The following ERC2 variants were observed in gnomAD, a reference collection of about 807,000 sequenced individuals.
ERC2 encodes ERC protein 2.
A neutral mutation model predicts 114.8 loss-of-function variants in ERC2; 42 were observed. The ratio of observed to expected loss-of-function variants is 0.37; its 90% CI spans 0.29 to 0.47. ERC2 has a LOEUF of 0.47. Among genes scored for constraint, ERC2 ranks in the 20% least tolerant of loss-of-function variants. The probability of loss-of-function intolerance (pLI) is 0.99; values close to 1 mark genes in which losing one functional copy is unlikely to be tolerated. For synonymous variants in ERC2, 454 were observed against 425.5 expected, an observed-to-expected ratio of 1.07 and a Z score of -0.82; for missense variants, 939 against 1,150.7, an observed-to-expected ratio of 0.82 and a Z score of 2.66.
chr3:55,748,485 C>G (rs773927727), intron 14 of ERC2, among the ~76,000 whole-genome samples: 1 of 152,196 alleles, frequency 6.6e-6, no homozygotes, highest in Non-Finnish European at 1.5e-5. Context: ...GCTACCACAG[C>G]AGAACCCAGA....
chr3:56,135,204 C>T (rs1226053643), intron 6 of ERC2, among the ~76,000 whole-genome samples: 6 of 152,200 alleles, frequency 3.9e-5, no homozygotes, highest in Middle Eastern at 3.4e-3. Context: ...CCCCCTGCCT[C>T]GGCCTCTCAA....
At chr3:55,776,767 C>A (rs924957716) in intron 14 of ERC2, among the ~76,000 whole-genome samples, 5 of 152,184 alleles carry the variant, frequency 3.3e-5, no homozygotes, top group African/African-American at 1.2e-4. Context: ...TCCCAAAGGG[C>A]TGCTGTGAGA....
chr3:55,982,726 G>A (rs577597366), intron 12 of ERC2, among the ~76,000 whole-genome samples: 1 of 152,310 alleles, frequency 6.6e-6, no homozygotes, highest in East Asian at 1.9e-4. Flanking sequence ...TATTTGTGGA[G>A]GGAATGGGGC....
intron 3 of ERC2, among the ~76,000 whole-genome samples, chr3:56,178,526 G>C (rs1188659121): frequency 6.6e-6 from 1 of 152,136 alleles, no homozygotes; most frequent in Non-Finnish European, 1.5e-5. Context: ...CTAAAGGAAG[G>C]AGTGCCAAAG....
intron 6 of ERC2, among the ~76,000 whole-genome samples, chr3:56,095,119 G>A (rs1448468195): frequency 6.6e-6 from 1 of 152,126 alleles, no homozygotes; most frequent in Non-Finnish European, 1.5e-5. Flanking sequence ...TTTGGGCATG[G>A]TGGTGCAGCC....
At chr3:55,552,372 T>C (rs73077468) in intron 17 of ERC2, among the ~76,000 whole-genome samples, 30,696 of 152,178 alleles carry the variant, frequency 0.2, 3,615 homozygotes, top group Middle Eastern at 0.31. Flanking sequence ...TGCACCCGCC[T>C]GCTCCCCATC....
rs773849533 is a variant in ERC2 at position 55,748,693 on chromosome 3, T to G, written c.2565-13775A>C. On this transcript the variant is annotated intron_variant, in intron 14 of 17. Coordinates refer to ENST00000288221, the MANE Select transcript of ERC2 (RefSeq NM_015576.3). ...ATTTCCCTCTGCATGTATCAAATAC[T>G]AGGATAATCAATTCAAAAGCTCCCT... Among the ~76,000 whole-genome samples, 105 of 152,192 alleles carry G rather than the reference T, an allele frequency of 6.9e-4. 1 individual carries two copies. The highest frequency in any genetic ancestry group is 1.5e-4 in the Non-Finnish European group (10 of 68,042).
intron 14 of ERC2, among the ~76,000 whole-genome samples, chr3:55,874,851 T>G (rs1041485332): frequency 1.3e-5 from 2 of 152,136 alleles, no homozygotes; most frequent in African/African-American, 4.8e-5. Context: ...CCAGCGACAC[T>G]GGGAGCCATG....
At chr3:56,100,576 T>C (rs1484621159) in intron 6 of ERC2, among the ~76,000 whole-genome samples, 2 of 152,260 alleles carry the variant, frequency 1.3e-5, no homozygotes, top group Admixed American at 1.3e-4. Context: ...TTTTGATTGT[T>C]AACAATTCTA....
At chr3:56,036,810 G>C (rs773285793) in intron 7 of ERC2, among the ~76,000 whole-genome samples, 19 of 152,098 alleles carry the variant, frequency 1.2e-4, no homozygotes, top group Non-Finnish European at 2.4e-4. Flanking sequence ...GAGCCGTGGG[G>C]CCCAAGCAAA....
intron 3 of ERC2, among the ~76,000 whole-genome samples, chr3:56,229,854 T>C (rs1040176629): frequency 6.8e-6 from 1 of 146,212 alleles, no homozygotes; most frequent in African/African-American, 2.5e-5. Context: ...CTTTGGCAAA[T>C]ATCTAGTCTT....
At chr3:56,068,804 G>C (rs558535104) in intron 7 of ERC2, among the ~76,000 whole-genome samples, 4 of 152,108 alleles carry the variant, frequency 2.6e-5, no homozygotes, top group Non-Finnish European at 4.4e-5. Context: ...TATTTACCCA[G>C]GAATCATTCA....
At chr3:55,992,276 G>T in intron 10 of ERC2, 26 bp from the exon 11 acceptor site, 1 of 1,594,280 alleles carries the variant, frequency 6.3e-7, no homozygotes, top group African/African-American at 1.3e-5. Context: ...TTTAAAGAAT[G>T]TAGTTAAGAC....
intron 10 of ERC2, among the ~76,000 whole-genome samples, chr3:56,005,318 C>T (rs964698998): frequency 6.6e-6 from 1 of 151,974 alleles, no homozygotes; most frequent in African/African-American, 2.4e-5. Context: ...AATAATGCTA[C>T]AATGTTTACA....
intron 17 of ERC2, among the ~76,000 whole-genome samples, chr3:55,581,910 G>A (rs1213157174): frequency 3.3e-5 from 5 of 152,040 alleles, no homozygotes; most frequent in South Asian, 2.1e-4. Flanking sequence ...TCATGAGGCC[G>A]ATCATTTGTA....
chr3:55,591,868 G>A (rs2057908152), intron 17 of ERC2, among the ~76,000 whole-genome samples: 1 of 152,182 alleles, frequency 6.6e-6, no homozygotes, highest in African/African-American at 2.4e-5. Context: ...CGTTGGGGAA[G>A]GTCACACAGC....
chr3:55,965,150 G>A (rs1421783242), intron 12 of ERC2, among the ~76,000 whole-genome samples: 1 of 152,174 alleles, frequency 6.6e-6, no homozygotes, highest in East Asian at 1.9e-4. Context: ...CCACACTCAA[G>A]TGGAGGAAAT....
chr3:56,419,885 C>A (rs748567145), intron 2 of ERC2, among the ~76,000 whole-genome samples: 1 of 152,034 alleles, frequency 6.6e-6, no homozygotes, highest in Non-Finnish European at 1.5e-5. Context: ...AGGTAAAAAC[C>A]CCGAAGAGAA....
chr3:55,997,206 T>G (rs1460082290), intron 10 of ERC2, among the ~76,000 whole-genome samples: 7 of 152,178 alleles, frequency 4.6e-5, no homozygotes, highest in Non-Finnish European at 1.0e-4. Flanking sequence ...AGCAGAATGT[T>G]AACGAATGTA....
Sources: gnomAD v4.1 joint callset for allele counts (sites outside exome capture counted in the v4.1 genomes callset) on GRCh38, gnomAD v4.1.1 for gene constraint, MANE v1.5 for transcripts, NCBI Gene and HGNC (gene_info 2026-07-23, HGNC 2026-07-21) for gene names.